RPRD2: variants seen among roughly 807,000 people sequenced by gnomAD.
The protein encoded by RPRD2 is regulation of nuclear pre-mRNA domain-containing protein 2.
Under a neutral mutation model 104.4 loss-of-function variants are expected in RPRD2, and 12 were observed. The observed-to-expected ratio is 0.11, with a 90% CI of 0.07 to 0.19. RPRD2 has a LOEUF of 0.19. Ranked by LOEUF, RPRD2 falls within the 10% of genes least tolerant of loss-of-function variation. RPRD2 has a pLI of 1.00. For synonymous variants in RPRD2, 714 were observed against 684.9 expected (o/e 1.04, Z -0.66); for missense variants, 1,543 against 1,790.1 (o/e 0.86, Z 2.49).
chr1:150,461,654 A>G (rs1396723438), intron 9 of RPRD2, among the ~76,000 whole-genome samples: 2 of 151,836 alleles, frequency 1.3e-5, no homozygotes, highest in African/African-American at 4.8e-5. Flanking sequence ...ACAAACCTGG[A>G]CAACATGGCG....
intron 1 of RPRD2, among the ~76,000 whole-genome samples, chr1:150,416,883 A>AC (rs1664376118): frequency 1.0e-5 from 1 of 95,706 alleles, no homozygotes; most frequent in Non-Finnish European, 2.4e-5. Context: ...AAAAAAAAAA[A>AC]AAAAAAAACA....
intron 1 of RPRD2, among the ~76,000 whole-genome samples, chr1:150,391,928 A>C (rs1026582798): frequency 2.0e-5 from 3 of 151,730 alleles, no homozygotes; most frequent in African/African-American, 7.3e-5. Flanking sequence ...AATAAAAAAA[A>C]GGACAAAACT....
intron 2 of RPRD2, among the ~76,000 whole-genome samples, chr1:150,427,510 G>GT (rs1665233187): frequency 6.6e-6 from 1 of 151,752 alleles, no homozygotes; most frequent in Non-Finnish European, 1.5e-5. Context: ...AAATGTTAAG[G>GT]TAACTGGGTG....
intron 1 of RPRD2, among the ~76,000 whole-genome samples, chr1:150,367,168 T>C (rs1659902448): frequency 6.6e-6 from 1 of 152,228 alleles, no homozygotes; most frequent in South Asian, 2.1e-4. Context: ...GGAATTTAAC[T>C]TTCTAAAATG....
chr1:150,383,568 C>T (rs1382075067), intron 1 of RPRD2, among the ~76,000 whole-genome samples: 4 of 151,472 alleles, frequency 2.6e-5, no homozygotes, highest in Non-Finnish European at 4.4e-5. Context: ...CCACCTGCCT[C>T]GGCCTCCCAA....
intron 1 of RPRD2, among the ~76,000 whole-genome samples, chr1:150,377,825 TAA>T (rs1660838092): frequency 6.6e-6 from 1 of 152,074 alleles, no homozygotes; most frequent in Non-Finnish European, 1.5e-5. Context: ...TGTAAATTTA[TAA>T]AAAATATGAA....
rs587743384 is a variant in RPRD2, at chr1:150,447,404, G to C, written c.870+1003G>C. On this transcript the variant is annotated intron_variant, in intron 7 of 10. Coordinates refer to ENST00000369068, the MANE Select transcript of RPRD2 (RefSeq NM_015203.5). ...GGCTGGAGTGTAATGGCGTGATCTC[G>C]GCTCACTTCAACCTCCGCCTCCTGG... Among the ~76,000 whole-genome samples the C allele has an allele frequency of 5.4e-5, 8 of 147,960 alleles. No individual in the cohort carries two copies. The Admixed American group carries it at 5.4e-4, about 10-fold the overall frequency.
At chr1:150,470,485 T>C in intron 10 of RPRD2, 76 bp from the exon 11 acceptor site, 1 of 1,426,032 alleles carries the variant, frequency 7.0e-7, no homozygotes, top group African/African-American at 1.4e-5. Context: ...AATGAGAGTA[T>C]CTGATTAGCC....
rs891304802 is a variant in RPRD2 at position 150,440,823 on chromosome 1, A to C, written c.336-100A>C. ...GGTTTTGAAATAAACATCAGAAGAAATTTGGAAAATAATTTTATTGATAAC... is the reference window on the plus strand; with the variant it reads ...GGTTTTGAAATAAACATCAGAAGAACTTTGGAAAATAATTTTATTGATAAC... On this transcript the variant is annotated intron_variant, in intron 2 of 10. Coordinates refer to ENST00000369068, the MANE Select transcript of RPRD2 (RefSeq NM_015203.5). The C allele has an allele frequency of 7.9e-5, 53 of 673,504 alleles. No individual in the cohort carries two copies. The Admixed American group carries it at 8.7e-4, about 11-fold the overall frequency. The allele number at this position is 673,504 out of a possible 1,614,324, so 41.7% of individuals were successfully genotyped here.
intron 2 of RPRD2, among the ~76,000 whole-genome samples, chr1:150,430,681 G>A (rs1463218213): frequency 1.3e-5 from 2 of 152,188 alleles, no homozygotes; most frequent in East Asian, 3.8e-4. Flanking sequence ...TGTCATCCCA[G>A]CACTTTGGGA....
In RPRD2 at chr1:150,470,795, G is replaced by T. The variant is rs1438800747; in HGVS notation, c.1847G>T (p.Gly616Val). The T allele has an allele frequency of 6.2e-7, 1 of 1,613,876 alleles. No homozygotes were observed. Among genetic ancestry groups the T allele is most frequent in the African/African-American group, 1.3e-5 (1 of 74,944 alleles). Residue 616 changes from glycine (G) to valine (V), a missense_variant, in exon 11 of 11, where the codon GGG becomes GTG. By Grantham distance (109) the Gly-to-Val change is moderately radical (BLOSUM62 -3). Coordinates refer to ENST00000369068, the MANE Select transcript of RPRD2 (RefSeq NM_015203.5). Reference sequence around the variant, plus strand: ...AAGGCCTCAATTGGGCAAAGCCCAGGGCTCCCAAGCACTACTTTTAAACTA... The same window carrying T: ...AAGGCCTCAATTGGGCAAAGCCCAGTGCTCCCAAGCACTACTTTTAAACTA... ...ASKASIGQSPGLPSTTFKLPS... is the reference protein window; with the variant it reads ...ASKASIGQSPVLPSTTFKLPS...
chr1:150,468,755 T>C (rs142266624), intron 10 of RPRD2, among the ~76,000 whole-genome samples: 268 of 152,228 alleles, frequency 1.8e-3, no homozygotes, highest in African/African-American at 6.1e-3. Flanking sequence ...TGTACACCTG[T>C]GGTCCCAGCT....
intron 1 of RPRD2, among the ~76,000 whole-genome samples, chr1:150,388,972 A>T (rs192077833): frequency 2.6e-5 from 4 of 152,074 alleles, no homozygotes; most frequent in African/African-American, 4.8e-5. Flanking sequence ...TGTTTTCTCC[A>T]TAACTCCACA....
chr1:150,388,497 G>A (rs138772542), intron 1 of RPRD2, among the ~76,000 whole-genome samples: 55 of 90,214 alleles, frequency 6.1e-4, no homozygotes, highest in Admixed American at 1.2e-3. Flanking sequence ...ATATACCCGC[G>A]CACACACACA....
chr1:150,467,813 GA>G (rs1668376719), intron 10 of RPRD2, among the ~76,000 whole-genome samples: 1 of 152,128 alleles, frequency 6.6e-6, no homozygotes, highest in African/African-American at 2.4e-5. Context: ...TGAAATCCCA[GA>G]ACTTTGTTCT....
chr1:150,390,601 A>G (rs915501459), intron 1 of RPRD2, among the ~76,000 whole-genome samples: 1 of 152,198 alleles, frequency 6.6e-6, no homozygotes, highest in African/African-American at 2.4e-5. Context: ...CAGTTATGCA[A>G]ATTTGAAAAA....
intron 1 of RPRD2, among the ~76,000 whole-genome samples, chr1:150,388,300 TTGTA>T (rs1661752250): frequency 6.6e-6 from 1 of 151,710 alleles, no homozygotes; most frequent in Non-Finnish European, 1.5e-5. Flanking sequence ...CAGAGAGTGC[TTGTA>T]TGTGTGTGTA....
chr1:150,401,922 C>T (rs61817510), intron 1 of RPRD2, among the ~76,000 whole-genome samples: 6,024 of 150,276 alleles, frequency 0.04, 165 homozygotes, highest in Non-Finnish European at 0.058. Flanking sequence ...GGATTACAGG[C>T]GTGAGCCACC....
chr1:150,472,083 C>T lies in RPRD2; in HGVS notation c.3135C>T (p.Thr1045=). Residue 1045 remains threonine, a synonymous_variant, in exon 11 of 11, where the codon ACC becomes ACT. Transcript: ENST00000369068. ...ATGGTGTCAGTCTCTCAAACCTCAC[C>T]CAACCCAGCTTGACCGCCACTGATC... The part of the protein sequence containing the change: ...PSDGVSLSNL[T]QPSLTATDQQ... 6.2e-7 allele frequency: 1 copy of T among 1,613,828 alleles called. No homozygotes were observed. The highest frequency in any genetic ancestry group is 8.5e-7 in the Non-Finnish European group (1 of 1,179,902).
Sources: gnomAD v4.1 joint callset for allele counts (sites outside exome capture counted in the v4.1 genomes callset) on GRCh38, gnomAD v4.1.1 for gene constraint, MANE v1.5 for transcripts, NCBI Gene and HGNC (gene_info 2026-07-23, HGNC 2026-07-21) for gene names.